The following DCAF7 variants were observed in gnomAD, a reference collection of about 807,000 sequenced individuals.
The protein encoded by DCAF7 is DDB1- and CUL4-associated factor 7.
A neutral mutation model predicts 41.2 loss-of-function variants in DCAF7; 4 were observed. That is an observed-to-expected ratio of 0.10 (90% CI 0.05 to 0.22). The LOEUF (loss-of-function observed/expected upper bound fraction) is 0.22, where lower values mean the gene tolerates loss of function less well. Among genes scored for constraint, DCAF7 ranks in the 10% least tolerant of loss-of-function variants. DCAF7 has a pLI of 1.00. For missense variants in DCAF7, 131 were observed against 443.2 expected (o/e 0.30, Z 6.32); for synonymous variants, 143 against 164.2 (o/e 0.87, Z 0.99).
chr17:63,566,037 G>A (rs921788550), intron 1 of DCAF7, among the ~76,000 whole-genome samples: 1 of 152,092 alleles, frequency 6.6e-6, no homozygotes, highest in African/African-American at 2.4e-5. Context: ...GGAGGCAGAA[G>A]TTGCAATGAG....
At chr17:63,583,349 G>A (rs1206554558) in intron 4 of DCAF7, among the ~76,000 whole-genome samples, 153 bp from the exon 5 acceptor site, 2 of 152,164 alleles carry the variant, frequency 1.3e-5, no homozygotes, top group African/African-American at 2.4e-5. Flanking sequence ...TAGAGCTCTC[G>A]GGTTTCAGTA....
intron 1 of DCAF7, among the ~76,000 whole-genome samples, chr17:63,568,202 G>A (rs995935917): frequency 7.2e-5 from 11 of 151,838 alleles, no homozygotes; most frequent in African/African-American, 2.7e-4. Context: ...TGTATTTTTA[G>A]TAGAGCCAGG....
chr17:63,579,564 G>T, intron 3 of DCAF7, 116 bp downstream of exon 3: 1 of 756,730 alleles, frequency 1.3e-6, no homozygotes. Flanking sequence ...GGCTAGGCGT[G>T]GAATGTGGTT....
chr17:63,551,323 C>T (rs2033252652), intron 1 of DCAF7, among the ~76,000 whole-genome samples: 2 of 135,414 alleles, frequency 1.5e-5, no homozygotes, highest in Non-Finnish European at 3.1e-5. Flanking sequence ...CCCGGGTACT[C>T]ATGGATCCTA....
intron 1 of DCAF7, among the ~76,000 whole-genome samples, chr17:63,570,463 A>G (rs1390615975): frequency 6.6e-6 from 1 of 152,012 alleles, no homozygotes; most frequent in Non-Finnish European, 1.5e-5. Context: ...AAAAAAAAGA[A>G]AAAAAAAGAT....
At chr17:63,567,688 C>A (rs1050202810) in intron 1 of DCAF7, among the ~76,000 whole-genome samples, 19 of 152,154 alleles carry the variant, frequency 1.2e-4, no homozygotes, top group African/African-American at 4.6e-4. Context: ...AAGACAAGGT[C>A]TCACTTTGTT....
intron 6 of DCAF7, among the ~76,000 whole-genome samples, chr17:63,587,011 A>G (rs2033684527): frequency 6.6e-6 from 1 of 152,088 alleles, no homozygotes; most frequent in African/African-American, 2.4e-5. Flanking sequence ...CCCCAAATAC[A>G]ACTATATACT....
At chr17:63,561,917 T>C (rs1482357610) in intron 1 of DCAF7, among the ~76,000 whole-genome samples, 2 of 149,306 alleles carry the variant, frequency 1.3e-5, no homozygotes, top group African/African-American at 5.0e-5. Flanking sequence ...ATGTGCTAAG[T>C]GGCTTGCCCA....
intron 1 of DCAF7, chr17:63,573,303 T>G (rs1211519414): frequency 6.6e-6 from 1 of 152,236 alleles, no homozygotes; most frequent in Non-Finnish European, 1.5e-5. Flanking sequence ...TGCTAACCTT[T>G]GTATAGTTCT....
chr17:63,585,081 C>T (rs1270843111), intron 5 of DCAF7, 130 bp from the exon 6 acceptor site: 2 of 700,750 alleles, frequency 2.9e-6, no homozygotes, highest in African/African-American at 1.8e-5. Context: ...CTATGGAAAT[C>T]CTGTCTCTAG....
chr17:63,563,167 A>G, intron 1 of DCAF7, among the ~76,000 whole-genome samples: 1 of 152,206 alleles, frequency 6.6e-6, no homozygotes, highest in Non-Finnish European at 1.5e-5. Flanking sequence ...ATAGTAGCTA[A>G]TACTCAATGC....
chr17:63,584,361 G>A (rs1204358128), intron 5 of DCAF7, among the ~76,000 whole-genome samples: 4 of 152,152 alleles, frequency 2.6e-5, no homozygotes, highest in African/African-American at 4.8e-5. Context: ...CCAGCTATTC[G>A]GGAGGCTGAG....
chr17:63,587,090 G>GT lies in DCAF7; in HGVS notation c.856+1770dup, dbSNP rs1292144017. Among the ~76,000 whole-genome samples, 6 of 151,900 alleles carry GT rather than the reference G, an allele frequency of 3.9e-5. No individual in the cohort carries two copies. In the South Asian group the frequency reaches 6.2e-4, roughly 16 times the overall value. On this transcript the variant is annotated intron_variant, in intron 6 of 6. Transcript: ENST00000614556. Reference sequence around the variant, plus strand: ...TTTTGCTCCTTAACTTTTTTAGTGTGTTTTTTTTCTTCTCCTCACTAATCA... The same window carrying GT: ...TTTTGCTCCTTAACTTTTTTAGTGTGTTTTTTTTTCTTCTCCTCACTAATCA...
chr17:63,550,684 C>T lies in DCAF7; in HGVS notation c.7C>T (p.Leu3=). MS[L]HGKRKEIYKY... is the part of the protein sequence containing the mutation. ...CTGCGGCCCCGTGGCCACCATGTCC[C>T]TGCACGGCAAACGGAAGGAGATCTA... Residue 3 remains leucine, a synonymous_variant, in exon 1 of 7, where the codon CTG becomes TTG. Coordinates refer to ENST00000614556, the MANE Select transcript of DCAF7 (RefSeq NM_005828.5). This position sits in a 1 kb window ranked among gnomAD's most constrained non-coding sequence, Gnocchi z 4.8. 6.2e-7 allele frequency: 1 copy of T among 1,613,322 alleles called. No individual in the cohort carries two copies.
chr17:63,556,279 G>A (rs925314907), intron 1 of DCAF7, among the ~76,000 whole-genome samples: 3 of 152,238 alleles, frequency 2.0e-5, no homozygotes, highest in Non-Finnish European at 4.4e-5. Context: ...GTGTGTTAAA[G>A]TGGAATATGG....
intron 1 of DCAF7, among the ~76,000 whole-genome samples, chr17:63,563,643 A>G (rs879750014): frequency 4.6e-5 from 7 of 152,054 alleles, no homozygotes; most frequent in Admixed American, 2.0e-4. Context: ...TCCCATCTCT[A>G]TAAAACAAAA....
chr17:63,551,114 A>G (rs1403726317), intron 1 of DCAF7, among the ~76,000 whole-genome samples: 1 of 152,192 alleles, frequency 6.6e-6, no homozygotes, highest in Non-Finnish European at 1.5e-5. Flanking sequence ...TTTACGCCCC[A>G]AAGATACTCC....
intron 2 of DCAF7, 103 bp from the exon 3 acceptor site, chr17:63,579,234 C>T: frequency 1.4e-6 from 1 of 735,468 alleles, no homozygotes; most frequent in South Asian, 1.8e-5. Context: ...GTTTTCCCCT[C>T]ATGTCTTATG....
chr17:63,569,036 G>T (rs1207966030), intron 1 of DCAF7, among the ~76,000 whole-genome samples: 1 of 152,138 alleles, frequency 6.6e-6, no homozygotes, highest in African/African-American at 2.4e-5. Context: ...TCTCAACCTT[G>T]GCTATTATTT....
Sources: allele counts gnomAD v4.1 joint callset (sites outside exome capture counted in the v4.1 genomes callset), GRCh38; gene constraint gnomAD v4.1.1; non-coding constraint Gnocchi (gnomAD v3.1); transcripts MANE v1.5; gene names NCBI Gene and HGNC (gene_info 2026-07-23, HGNC 2026-07-21).